Variants in COL12A1 observed in about 807,000 individuals in gnomAD.
The protein encoded by COL12A1 is collagen alpha-1(XII) chain.
COL12A1 carries 114 observed loss-of-function variants against 349.7 expected under a neutral mutation model. That is an observed-to-expected ratio of 0.33 (90% CI 0.28 to 0.38). The LOEUF (loss-of-function observed/expected upper bound fraction) is 0.38. Ranked by LOEUF, COL12A1 falls within the 10% of genes least tolerant of loss-of-function variation. The probability of loss-of-function intolerance (pLI) is 1.00; values close to 1 mark genes in which losing one functional copy is unlikely to be tolerated. For missense variants in COL12A1, 3,284 were observed against 3,756.9 expected (o/e 0.87, Z 3.29); for synonymous variants, 1,369 against 1,329.0 (o/e 1.03, Z -0.66).
chr6:75,192,352 C>T lies in COL12A1; in HGVS notation c.194G>A (p.Gly65Glu), dbSNP rs2149479257. Residue 65 changes from glycine (G) to glutamate (E), a missense_variant, in exon 4 of 66, where the codon GGG becomes GAG. Around this residue, in one of 2 missense-constraint regions of COL12A1, gnomAD observed 2,601 missense variants for 2,824.8 expected, o/e 0.92. Coordinates refer to ENST00000322507, the MANE Select transcript of COL12A1 (RefSeq NM_004370.6). Reference protein sequence around the residue: ...YRITVDPTTDGPTKEFTLSAS... With the variant: ...YRITVDPTTDEPTKEFTLSAS... Reference sequence around the variant, plus strand: ...TGAAAGGGTAAATTCTTTAGTAGGCCCATCTGGAAATATAAAAAGGAAAAA... The same window carrying T: ...TGAAAGGGTAAATTCTTTAGTAGGCTCATCTGGAAATATAAAAAGGAAAAA... 1.2e-6 allele frequency: 2 copies of T among 1,609,916 alleles called. No homozygotes were observed. Among genetic ancestry groups the T allele is most frequent in the Non-Finnish European group, 1.7e-6 (2 of 1,177,914 alleles).
chr6:75,108,050 AC>A (rs527359008), intron 52 of COL12A1, among the ~76,000 whole-genome samples: 75 of 152,134 alleles, frequency 4.9e-4, no homozygotes, highest in African/African-American at 1.7e-3. Context: ...TGCTTTTAGG[AC>A]AATAGGTCTA....
intron 11 of COL12A1, among the ~76,000 whole-genome samples, chr6:75,180,228 A>C (rs1769192203): frequency 1.3e-5 from 2 of 152,234 alleles, no homozygotes; most frequent in South Asian, 4.1e-4. Flanking sequence ...CCTTGAGGAC[A>C]TTTACTAAGT....
intron 2 of COL12A1, 82 bp downstream of exon 2, chr6:75,202,638 A>G: frequency 7.4e-7 from 1 of 1,348,756 alleles, no homozygotes; most frequent in Non-Finnish European, 1.0e-6. Flanking sequence ...AAACAGAGCA[A>G]GCAATAGAAG....
chr6:75,154,371 G>A, intron 17 of COL12A1, 45 bp downstream of exon 17: 1 of 1,589,748 alleles, frequency 6.3e-7, no homozygotes, highest in Non-Finnish European at 8.6e-7. Context: ...ATTTGAAATA[G>A]TTTCCTAAGT....
At chr6:75,131,011 T>C (rs753321310) in intron 35 of COL12A1, 30 bp from the exon 36 acceptor site, 4 of 1,613,876 alleles carry the variant, frequency 2.5e-6, no homozygotes, top group Admixed American at 1.7e-5. Flanking sequence ...AAATTCTGCC[T>C]GACAACAACT....
chr6:75,170,963 A>G (rs940077857), intron 13 of COL12A1, among the ~76,000 whole-genome samples: 16 of 152,230 alleles, frequency 1.1e-4, no homozygotes, highest in African/African-American at 3.6e-4. Context: ...AAAAAGTCAT[A>G]TTTTCCATAG....
At chr6:75,124,784 T>C (rs1022149485) in intron 40 of COL12A1, among the ~76,000 whole-genome samples, 9 of 152,172 alleles carry the variant, frequency 5.9e-5, no homozygotes, top group African/African-American at 1.4e-4. Context: ...TTAGGTAATA[T>C]ATATCTTGGT....
chr6:75,156,588 AT>A, intron 14 of COL12A1, 65 bp from the exon 15 acceptor site: 1 of 1,463,204 alleles, frequency 6.8e-7, no homozygotes, highest in Non-Finnish European at 9.3e-7. Context: ...CCACCTCTTC[AT>A]TTATGTGAAA....
rs2149363442 is a variant in COL12A1, at chr6:75,117,364, A to T, written c.7519+18T>A. 6.2e-7 allele frequency: 1 copy of T among 1,612,016 alleles called. No homozygotes were observed. The highest frequency in any genetic ancestry group is 1.7e-5 in the Admixed American group (1 of 59,972). ...TCAGAATAAGTGAGGTTATAGATCCATGTTGACTGTGACTTACTTGAAGTG... is the reference window on the plus strand; with the variant it reads ...TCAGAATAAGTGAGGTTATAGATCCTTGTTGACTGTGACTTACTTGAAGTG... On this transcript the variant is annotated intron_variant, in intron 47 of 65. Transcript: ENST00000322507.
intron 49 of COL12A1, among the ~76,000 whole-genome samples, chr6:75,115,411 C>A (rs1413484643): frequency 6.6e-6 from 1 of 152,112 alleles, no homozygotes; most frequent in East Asian, 1.9e-4. Flanking sequence ...GTCGGAAACA[C>A]TAAAAAGAAT....
At chr6:75,132,302 A>G (rs1367134503) in intron 34 of COL12A1, among the ~76,000 whole-genome samples, 1 of 152,226 alleles carries the variant, frequency 6.6e-6, no homozygotes, top group Non-Finnish European at 1.5e-5. Flanking sequence ...CATTGTATTC[A>G]ATTAAAAACA....
chr6:75,177,066 A>C (rs1244398738), intron 12 of COL12A1, among the ~76,000 whole-genome samples: 1 of 152,208 alleles, frequency 6.6e-6, no homozygotes, highest in Non-Finnish European at 1.5e-5. Context: ...ATTCTTAGTC[A>C]TCCTTCAATT....
intron 13 of COL12A1, 131 bp from the exon 14 acceptor site, chr6:75,165,910 T>C: frequency 1.1e-6 from 1 of 873,596 alleles, no homozygotes; most frequent in Non-Finnish European, 1.7e-6. Context: ...TGCCCATTTC[T>C]TCTTTTTGAG....
chr6:75,133,566 C>A, intron 33 of COL12A1, 144 bp from the exon 34 acceptor site: 1 of 880,530 alleles, frequency 1.1e-6, no homozygotes. Context: ...CCCACATGAC[C>A]TGTTACAAGA....
chr6:75,152,184 C>T lies in COL12A1; in HGVS notation c.3782G>A (p.Ser1261Asn), dbSNP rs370339027. 63 of 1,613,816 alleles carry T rather than the reference C, an allele frequency of 3.9e-5. 1 individual carries two copies. The highest frequency in any genetic ancestry group is 3.8e-4 in the East Asian group (17 of 44,856). Residue 1261 changes from serine (S) to asparagine (N), a missense_variant, in exon 19 of 66, where the codon AGC becomes AAC. Coordinates refer to ENST00000322507, the MANE Select transcript of COL12A1 (RefSeq NM_004370.6). ...CAAGTTTGCCACAGCTTGCAACAAG[C>T]TCTTCTTGTCTCTGTGTGCATTTAA... ...WQLNAHRDKK[S>N]LLQAVANLPY...
In COL12A1 at chr6:75,132,055, T is replaced by C. The variant is rs1462765403; in HGVS notation, c.5822A>G (p.Gln1941Arg). 6.2e-7 allele frequency: 1 copy of C among 1,614,104 alleles called. No homozygotes were observed. The highest frequency in any genetic ancestry group is 8.5e-7 in the Non-Finnish European group (1 of 1,179,960). Reference sequence around the variant, plus strand: ...GCTGTTAGGTGTAGGATTGTATACTTGGACATTTCTTGCCAGTCCTCTCAT... The same window carrying C: ...GCTGTTAGGTGTAGGATTGTATACTCGGACATTTCTTGCCAGTCCTCTCAT... ...TLMRGLARNVQVYNPTPNSLD... is the reference protein window; with the variant it reads ...TLMRGLARNVRVYNPTPNSLD... Residue 1941 changes from glutamine (Q) to arginine (R), a missense_variant, in exon 35 of 66, where the codon CAA becomes CGA. By Grantham distance (43) the Gln-to-Arg change is conservative. Coordinates refer to ENST00000322507, the MANE Select transcript of COL12A1 (RefSeq NM_004370.6).
intron 39 of COL12A1, among the ~76,000 whole-genome samples, chr6:75,126,014 T>G (rs759885628): frequency 6.6e-5 from 10 of 152,098 alleles, no homozygotes; most frequent in Non-Finnish European, 1.3e-4. Context: ...CTGGGCATAG[T>G]GGGAAAAATA....
At chr6:75,142,254 T>TA in intron 26 of COL12A1, 93 bp from the exon 27 acceptor site, 1 of 1,439,534 alleles carries the variant, frequency 6.9e-7, no homozygotes, top group Non-Finnish European at 9.6e-7. Flanking sequence ...CGTAAGAATA[T>TA]AAAATTGTGA....
At position 75,102,591 on chromosome 6, in the gene COL12A1, G is replaced by T; in HGVS notation, c.8415+6C>A. The T allele has an allele frequency of 6.6e-7, 1 of 1,521,236 alleles. No individual in the cohort carries two copies. The highest frequency in any genetic ancestry group is 8.8e-7 in the Non-Finnish European group (1 of 1,137,122). The allele number at this position is 1,521,236 out of a possible 1,614,324, so 94.2% of individuals were successfully genotyped here. On this transcript the variant is annotated splice_donor_region_variant and intron_variant, in intron 56 of 65. Coordinates refer to ENST00000322507, the MANE Select transcript of COL12A1 (RefSeq NM_004370.6). Reference sequence around the variant, plus strand: ...CTCATTTAATACAGAAAGGCTTTGTGCTTACTTGCTCTCCCGGAATAGAGA... The same window carrying T: ...CTCATTTAATACAGAAAGGCTTTGTTCTTACTTGCTCTCCCGGAATAGAGA...
Sources: allele counts gnomAD v4.1 joint callset (sites outside exome capture counted in the v4.1 genomes callset), GRCh38; gene constraint gnomAD v4.1.1; regional missense constraint gnomAD v4.1.1; transcripts MANE v1.5; gene names NCBI Gene and HGNC (gene_info 2026-07-23, HGNC 2026-07-21).